RAB27A: variants seen among roughly 807,000 people sequenced by gnomAD.
RAB27A encodes RAB27A, member RAS oncogene family.
A neutral mutation model predicts 20.8 loss-of-function variants in RAB27A; 17 were observed. The observed-to-expected ratio is 0.82, with a 90% CI of 0.56 to 1.23. The LOEUF (loss-of-function observed/expected upper bound fraction) is 1.23. Ranked by LOEUF, RAB27A falls within the 50% of genes most tolerant of loss-of-function variation. The probability of loss-of-function intolerance (pLI) is 0.00; values close to 1 mark genes in which losing one functional copy is unlikely to be tolerated. For missense variants in RAB27A, 277 were observed against 266.7 expected (o/e 1.04, Z -0.27); for synonymous variants, 85 against 92.8 (o/e 0.92, Z 0.48).
intron 2 of RAB27A, among the ~76,000 whole-genome samples, chr15:55,306,573 C>G (rs903148578): frequency 2.0e-5 from 3 of 152,176 alleles, no homozygotes; most frequent in Non-Finnish European, 2.9e-5. Context: ...GTCCAACAGA[C>G]AGTGGCTCCA....
chr15:55,293,085 T>G (rs912459004), upstream of RAB27A, among the ~76,000 whole-genome samples: 5 of 152,208 alleles, frequency 3.3e-5, no homozygotes, highest in Admixed American at 1.3e-4. Flanking sequence ...TACCTCTTGC[T>G]TCCCACACTG....
Position 55,221,774 on chromosome 15 carries a change from T to C in RAB27A, c.467+2115A>G, listed in dbSNP as rs975621793. 2.6e-5 allele frequency among the ~76,000 whole-genome samples: 4 copies of C among 152,162 alleles called. No homozygotes were observed. In the East Asian group the frequency reaches 7.7e-4, roughly 29 times the overall value. The stretch of plus-strand genomic sequence containing the variant: ...GCTTATCTGCTGGCTCATCTTATTG[T>C]CATAAACCTGCAACTAGACCTGCAC... On this transcript the variant is annotated intron_variant, in intron 6 of 6. Transcript: ENST00000336787.
At chr15:55,217,009 T>C (rs1895337073) in intron 6 of RAB27A, among the ~76,000 whole-genome samples, 3 of 151,968 alleles carry the variant, frequency 2.0e-5, no homozygotes, top group African/African-American at 2.4e-5. Flanking sequence ...GTATAAGAGC[T>C]CTAACTTTTC....
In RAB27A at chr15:55,204,912, C is replaced by G. The variant is rs538867721; in HGVS notation, c.*595G>C. On this transcript the variant is annotated 3_prime_UTR_variant, in exon 7 of 7. Coordinates refer to ENST00000336787, the MANE Select transcript of RAB27A (RefSeq NM_183235.3). ...ACCGTGAGTGTATAATTGGTCAATC[C>G]AGTTTATCCAAGGTCTATAGATATA... 8 of 155,168 alleles carry G rather than the reference C, an allele frequency of 5.2e-5. No individual in the cohort carries two copies. The South Asian group carries it at 1.6e-3, about 31-fold the overall frequency. The allele number at this position is 155,168 out of a possible 1,614,324, so 9.6% of individuals were successfully genotyped here.
chr15:55,211,226 G>A (rs967884132), intron 6 of RAB27A, among the ~76,000 whole-genome samples: 2 of 152,002 alleles, frequency 1.3e-5, no homozygotes, highest in Admixed American at 6.6e-5. Context: ...TCAGGATTTT[G>A]TCAGTTATTG....
chr15:55,294,229 T>G (rs1430665279), upstream of RAB27A, among the ~76,000 whole-genome samples: 2 of 152,102 alleles, frequency 1.3e-5, no homozygotes, highest in Non-Finnish European at 2.9e-5. Context: ...AGTCAAGATC[T>G]TTCAATGGAG....
intron 2 of RAB27A, among the ~76,000 whole-genome samples, chr15:55,264,009 TC>T (rs1200566332): frequency 6.6e-6 from 1 of 152,206 alleles, no homozygotes; most frequent in Non-Finnish European, 1.5e-5. Context: ...CCAAAGAGTC[TC>T]TCAACTATAG....
chr15:55,241,422 A>G (rs1896473143), intron 2 of RAB27A, among the ~76,000 whole-genome samples: 1 of 151,870 alleles, frequency 6.6e-6, no homozygotes, highest in South Asian at 2.1e-4. Context: ...AGGAACACCC[A>G]TTTCCTCAAC....
At chr15:55,214,179 G>C (rs1322933973) in intron 6 of RAB27A, among the ~76,000 whole-genome samples, 2 of 152,346 alleles carry the variant, frequency 1.3e-5, no homozygotes, top group East Asian at 3.9e-4. Context: ...GCTGATGCCT[G>C]TAATCCCAGC....
At chr15:55,241,347 C>T (rs1896469944) in intron 2 of RAB27A, among the ~76,000 whole-genome samples, 1 of 151,842 alleles carries the variant, frequency 6.6e-6, no homozygotes, top group African/African-American at 2.4e-5. Context: ...CTCTCTCCTC[C>T]TTATACAAAT....
At chr15:55,206,711 A>G (rs914926440) in intron 6 of RAB27A, among the ~76,000 whole-genome samples, 2 of 152,142 alleles carry the variant, frequency 1.3e-5, no homozygotes, top group Non-Finnish European at 2.9e-5. Context: ...GAAAAGTAAA[A>G]CTTGAAAACT....
At chr15:55,264,265 G>A in intron 2 of RAB27A, among the ~76,000 whole-genome samples, 1 of 152,170 alleles carries the variant, frequency 6.6e-6, no homozygotes, top group Non-Finnish European at 1.5e-5. Context: ...TGCCCAGGCT[G>A]GTCTCAAACT....
intron 2 of RAB27A, among the ~76,000 whole-genome samples, chr15:55,306,427 T>C (rs1260363848): frequency 6.6e-6 from 1 of 152,170 alleles, no homozygotes; most frequent in East Asian, 1.9e-4. Flanking sequence ...CATGTAGTTT[T>C]GAGAGATCTA....
Position 55,204,596 on chromosome 15 carries a change from T to A in RAB27A, c.*911A>T, listed in dbSNP as rs1894553458. ...GTTATAAGCTAATAAAGCTGCAGCC[T>A]GAGGATGCCAGATCAACATTATAAA... is the stretch of plus-strand genomic sequence containing the variant. On this transcript the variant is annotated 3_prime_UTR_variant, in exon 7 of 7. Transcript: ENST00000336787. The A allele has an allele frequency of 6.6e-6, 1 of 152,186 alleles. No homozygotes were observed. Among genetic ancestry groups the A allele is most frequent in the Non-Finnish European group, 1.5e-5 (1 of 68,026 alleles). The allele number at this position is 152,186 out of a possible 1,614,324, so 9.4% of individuals were successfully genotyped here. A position where few individuals can be genotyped will look rare whatever the true frequency, so the allele number is the denominator to read the frequency against.
intron 2 of RAB27A, among the ~76,000 whole-genome samples, chr15:55,261,972 G>C (rs962464238): frequency 6.6e-6 from 1 of 151,504 alleles, no homozygotes. Context: ...AGGAGACAGA[G>C]GTTGCAGTGA....
chr15:55,300,886 T>A (rs1193098117), intron 2 of RAB27A, among the ~76,000 whole-genome samples: 1 of 152,126 alleles, frequency 6.6e-6, no homozygotes, highest in Non-Finnish European at 1.5e-5. Flanking sequence ...TTTAAATAGC[T>A]GTATCCACCC....
At chr15:55,279,341 G>C (rs1054830112) in intron 1 of RAB27A, among the ~76,000 whole-genome samples, 1 of 152,168 alleles carries the variant, frequency 6.6e-6, no homozygotes, top group Non-Finnish European at 1.5e-5. Context: ...ACTGGCAGCA[G>C]AATCACCTAG....
intron 3 of RAB27A, among the ~76,000 whole-genome samples, chr15:55,233,816 C>A (rs918025610): frequency 2.6e-5 from 4 of 152,086 alleles, no homozygotes; most frequent in African/African-American, 4.8e-5. Context: ...TGAATTATAT[C>A]TCAACAAATC....
At chr15:55,308,029 G>A (rs1299852912) in intron 2 of RAB27A, among the ~76,000 whole-genome samples, 1 of 152,128 alleles carries the variant, frequency 6.6e-6, no homozygotes, top group African/African-American at 2.4e-5. Context: ...ATGTCCTCGT[G>A]AGGTTCCCCA....
Sources: gnomAD v4.1 joint callset for allele counts (sites outside exome capture counted in the v4.1 genomes callset) on GRCh38, gnomAD v4.1.1 for gene constraint, MANE v1.5 for transcripts, NCBI Gene and HGNC (gene_info 2026-07-23, HGNC 2026-07-21) for gene names.